Variants in NEDD4L observed in about 807,000 individuals in gnomAD.
The protein encoded by NEDD4L is E3 ubiquitin-protein ligase NEDD4-like.
NEDD4L carries 54 observed loss-of-function variants against 148.9 expected under a neutral mutation model. The ratio of observed to expected loss-of-function variants is 0.36; its 90% CI spans 0.29 to 0.45. The LOEUF (loss-of-function observed/expected upper bound fraction) is 0.45, where lower values mean the gene tolerates loss of function less well. Ranked by LOEUF, NEDD4L falls within the 20% of genes least tolerant of loss-of-function variation. The pLI is 1.00. For synonymous variants in NEDD4L, 433 were observed against 440.7 expected (o/e 0.98, Z 0.22); for missense variants, 856 against 1,233.8 (o/e 0.69, Z 4.59).
chr18:58,341,856 T>A (rs1278936875), intron 15 of NEDD4L, 59 bp downstream of exon 15: 2 of 1,570,496 alleles, frequency 1.3e-6, no homozygotes, highest in East Asian at 4.7e-5. Context: ...CATTCTTTCT[T>A]CTCTCTTAAC....
intron 2 of NEDD4L, chr18:58,195,290 A>C: frequency 1.8e-6 from 1 of 555,132 alleles, no homozygotes; most frequent in East Asian, 7.1e-5. Flanking sequence ...TTTTGTTGCA[A>C]GGGCAGCATT....
At chr18:58,263,365 G>C (rs1320789169) in intron 5 of NEDD4L, among the ~76,000 whole-genome samples, 2 of 152,112 alleles carry the variant, frequency 1.3e-5, no homozygotes. Flanking sequence ...AGATCACAGT[G>C]AGTCAAGTGA....
In NEDD4L at chr18:58,167,972, A is replaced by C. The variant is rs569903379; in HGVS notation, c.122+2111A>C. Among the ~76,000 whole-genome samples, 3 of 152,334 alleles carry C rather than the reference A, an allele frequency of 2.0e-5. No individual in the cohort carries two copies. In the South Asian group the frequency reaches 6.2e-4, roughly 32 times the overall value. ...ATTTCTAAGCCAGTTAAGTAGATTT[A>C]AGGTTGAATTTGTAGTGGAATTAGG... On this transcript the variant is annotated intron_variant, in intron 2 of 30. Coordinates refer to ENST00000400345, the MANE Select transcript of NEDD4L (RefSeq NM_001144967.3).
chr18:58,336,055 C>T (rs1172178398), intron 13 of NEDD4L: 1 of 153,144 alleles, frequency 6.5e-6, no homozygotes, highest in Non-Finnish European at 1.5e-5. Flanking sequence ...GGGCTCTCCT[C>T]ACACAATGAA....
chr18:58,072,856 A>AGG (rs2082939788), intron 1 of NEDD4L, among the ~76,000 whole-genome samples: 1 of 137,406 alleles, frequency 7.3e-6, no homozygotes, highest in South Asian at 2.3e-4. Context: ...GAAAATCCTA[A>AGG]GGCGCGCGCG....
chr18:58,363,959 C>T (rs963541853), intron 19 of NEDD4L, among the ~76,000 whole-genome samples: 3 of 152,124 alleles, frequency 2.0e-5, no homozygotes, highest in Admixed American at 6.5e-5. Context: ...ACAGAAACAC[C>T]CTGACTCATA....
At chr18:58,148,474 G>A (rs760142174) in intron 1 of NEDD4L, among the ~76,000 whole-genome samples, 6 of 152,270 alleles carry the variant, frequency 3.9e-5, no homozygotes, top group East Asian at 3.9e-4. Context: ...CCATGATCCC[G>A]CACAGTTCTG....
At chr18:58,193,353 C>T (rs2040318629) in intron 2 of NEDD4L, among the ~76,000 whole-genome samples, 1 of 152,142 alleles carries the variant, frequency 6.6e-6, no homozygotes, top group Non-Finnish European at 1.5e-5. Flanking sequence ...TCCTATCTTC[C>T]TTTGTACCTA....
At chr18:58,059,624 C>T (rs549201197) in intron 1 of NEDD4L, among the ~76,000 whole-genome samples, 24 of 152,316 alleles carry the variant, frequency 1.6e-4, no homozygotes, top group Non-Finnish European at 2.9e-4. Flanking sequence ...AATCTGCCAA[C>T]CCACCTCATC....
chr18:58,069,512 A>G (rs1343221802), intron 1 of NEDD4L, among the ~76,000 whole-genome samples: 1 of 152,242 alleles, frequency 6.6e-6, no homozygotes, highest in African/African-American at 2.4e-5. Flanking sequence ...TTGGCTGGAT[A>G]GAGGGCAGTG....
At chr18:58,263,546 A>C (rs984814274) in intron 5 of NEDD4L, among the ~76,000 whole-genome samples, 1 of 151,370 alleles carries the variant, frequency 6.6e-6, no homozygotes, top group African/African-American at 2.4e-5. Context: ...TCTTTCTTCT[A>C]TTGGTCATTC....
At position 58,400,207 on chromosome 18, in the gene NEDD4L, CCCTT is replaced by C. The variant is rs2050763490; in HGVS notation, c.*3942_*3945del. 1 of 152,264 alleles carries C rather than the reference CCCTT, an allele frequency of 6.6e-6. No individual in the cohort carries two copies. The highest frequency in any genetic ancestry group is 2.4e-5 in the African/African-American group (1 of 41,428). The allele number at this position is 152,264 out of a possible 1,614,324, so 9.4% of individuals were successfully genotyped here. On this transcript the variant is annotated 3_prime_UTR_variant, in exon 31 of 31. Transcript: ENST00000400345. ...TGTGCAGGGTAACTGCCCGCCTGCTCCCTTCCTGACCTCCCCTGACCCCGAAGAT... is the reference window on the plus strand; with the variant it reads ...TGTGCAGGGTAACTGCCCGCCTGCTCCCTGACCTCCCCTGACCCCGAAGAT...
chr18:58,101,539 C>G (rs2084752961), intron 1 of NEDD4L, among the ~76,000 whole-genome samples: 1 of 152,142 alleles, frequency 6.6e-6, no homozygotes, highest in South Asian at 2.1e-4. Flanking sequence ...TCGGTTCCGT[C>G]CGTGTCGAGT....
chr18:58,176,457 T>TCC (rs1192606827), intron 2 of NEDD4L, among the ~76,000 whole-genome samples: 1 of 152,162 alleles, frequency 6.6e-6, no homozygotes. Context: ...TGCCTCAGCC[T>TCC]CCCCAGTAGC....
chr18:58,154,147 G>A (rs971590844), intron 1 of NEDD4L, among the ~76,000 whole-genome samples: 1 of 152,190 alleles, frequency 6.6e-6, no homozygotes, highest in Admixed American at 6.5e-5. Flanking sequence ...TGACATGGGC[G>A]TTTAAAAAGT....
intron 19 of NEDD4L, among the ~76,000 whole-genome samples, chr18:58,359,608 T>G (rs2045207714): frequency 6.6e-6 from 1 of 151,760 alleles, no homozygotes; most frequent in African/African-American, 2.4e-5. Context: ...CAAATTTCTT[T>G]GCCCACCATT....
intron 1 of NEDD4L, among the ~76,000 whole-genome samples, chr18:58,105,290 G>T (rs1048470046): frequency 6.6e-6 from 1 of 152,068 alleles, no homozygotes; most frequent in African/African-American, 2.4e-5. Flanking sequence ...TGAGCTCATC[G>T]GATGCTTTCG....
At chr18:58,109,201 C>T (rs114673247) in intron 1 of NEDD4L, among the ~76,000 whole-genome samples, 2,080 of 152,278 alleles carry the variant, frequency 0.014, 38 homozygotes, top group African/African-American at 0.048. Flanking sequence ...TCCAGGCAGG[C>T]GGGAAGCCCA....
chr18:58,329,185 G>C, intron 10 of NEDD4L, 58 bp downstream of exon 10: 15 of 1,566,882 alleles, frequency 9.6e-6, no homozygotes, highest in Non-Finnish European at 1.3e-5. Flanking sequence ...ATGTTCTCCA[G>C]CTTGATTTTA....
Sources: allele counts gnomAD v4.1 joint callset (sites outside exome capture counted in the v4.1 genomes callset), GRCh38; gene constraint gnomAD v4.1.1; transcripts MANE v1.5; gene names NCBI Gene and HGNC (gene_info 2026-07-23, HGNC 2026-07-21).